Variants in DLC1 observed in about 807,000 individuals in gnomAD.
DLC1 encodes the protein DLC1 Rho GTPase activating protein.
DLC1 carries 54 observed loss-of-function variants against 140.3 expected under a neutral mutation model. The ratio of observed to expected loss-of-function variants is 0.38; its 90% CI spans 0.31 to 0.48. DLC1 has a LOEUF of 0.48. Among genes scored for constraint, DLC1 ranks in the 20% least tolerant of loss-of-function variants. The probability of loss-of-function intolerance (pLI) is 0.96; values close to 1 mark genes in which losing one functional copy is unlikely to be tolerated. For missense variants in DLC1, 2,536 were observed against 1,907.0 expected (o/e 1.33, Z -6.14); for synonymous variants, 986 against 728.1 (o/e 1.35, Z -5.70).
chr8:13,527,028 A>C (rs1449829149), intron 1 of DLC1, among the ~76,000 whole-genome samples: 2 of 152,238 alleles, frequency 1.3e-5, no homozygotes, highest in Non-Finnish European at 2.9e-5. Context: ...TTGCAAAGCT[A>C]ACTAGTTCCA....
intron 5 of DLC1, among the ~76,000 whole-genome samples, chr8:13,303,228 G>T (rs759332890): frequency 3.3e-5 from 5 of 152,192 alleles, no homozygotes; most frequent in Non-Finnish European, 7.3e-5. Flanking sequence ...GCAGAAGTCA[G>T]ATTTTGCTCA....
At chr8:13,601,029 C>A (rs1168206654) in intron 1 of DLC1, among the ~76,000 whole-genome samples, 1 of 151,708 alleles carries the variant, frequency 6.6e-6, no homozygotes, top group African/African-American at 2.4e-5. Flanking sequence ...GTCTCATAAA[C>A]TTTTTAAAAA....
At chr8:13,232,508 A>G (rs745449169) in intron 5 of DLC1, among the ~76,000 whole-genome samples, 2 of 151,996 alleles carry the variant, frequency 1.3e-5, no homozygotes, top group African/African-American at 4.8e-5. Flanking sequence ...TAATTTTTGT[A>G]TTTTTAATAG....
chr8:13,414,115 A>G (rs2117312357), intron 2 of DLC1, among the ~76,000 whole-genome samples: 1 of 152,312 alleles, frequency 6.6e-6, no homozygotes, highest in Non-Finnish European at 1.5e-5. Flanking sequence ...TTTATTCCTT[A>G]ACTGCATAAC....
chr8:13,339,538 C>G (rs1334829664), intron 4 of DLC1: 1 of 152,186 alleles, frequency 6.6e-6, no homozygotes, highest in African/African-American at 2.4e-5. Flanking sequence ...GTTTTAAAAT[C>G]ACATTTGGTC....
chr8:13,302,519 C>G (rs1461790768), intron 5 of DLC1, among the ~76,000 whole-genome samples: 2 of 152,098 alleles, frequency 1.3e-5, no homozygotes, highest in East Asian at 3.9e-4. Context: ...AAGATAGCTA[C>G]TTACAGCACA....
At chr8:13,461,667 C>T (rs567948014) in intron 2 of DLC1, among the ~76,000 whole-genome samples, 1 of 152,078 alleles carries the variant, frequency 6.6e-6, no homozygotes, top group Non-Finnish European at 1.5e-5. Flanking sequence ...TGCTTGGTCC[C>T]AGGCCATGCC....
At chr8:13,118,846 G>A (rs1203455802) in intron 5 of DLC1, among the ~76,000 whole-genome samples, 2 of 152,058 alleles carry the variant, frequency 1.3e-5, no homozygotes, top group East Asian at 3.9e-4. Flanking sequence ...AAGAGAATCT[G>A]TCCATCAATC....
At chr8:13,259,447 A>G (rs565059630) in intron 5 of DLC1, among the ~76,000 whole-genome samples, 1 of 152,240 alleles carries the variant, frequency 6.6e-6, no homozygotes, top group East Asian at 1.9e-4. Context: ...GGAAGAGTCA[A>G]TGCAAATGAT....
At chr8:13,290,596 TTAATAA>T (rs1008986354) in intron 5 of DLC1, among the ~76,000 whole-genome samples, 2 of 152,074 alleles carry the variant, frequency 1.3e-5, no homozygotes, top group Non-Finnish European at 2.9e-5. Flanking sequence ...GAAAAATGTC[TTAATAA>T]TAATAATAAA....
intron 4 of DLC1, among the ~76,000 whole-genome samples, chr8:13,389,460 C>G (rs1486578068): frequency 6.6e-6 from 1 of 152,010 alleles, no homozygotes; most frequent in Non-Finnish European, 1.5e-5. Flanking sequence ...GTCAAAAGAA[C>G]AAAACAATTT....
chr8:13,563,625 T>C (rs73665145), intron 1 of DLC1, among the ~76,000 whole-genome samples: 87 of 152,226 alleles, frequency 5.7e-4, no homozygotes, highest in African/African-American at 2.0e-3. Context: ...TTTTGAAGGA[T>C]CTGTCAATTT....
rs931457229 is a variant in DLC1 at position 13,548,594 on chromosome 8, G to C, written c.-125-48398C>G. Among the ~76,000 whole-genome samples the C allele has an allele frequency of 2.0e-5, 3 of 152,046 alleles. No individual in the cohort carries two copies. In the East Asian group the frequency reaches 5.8e-4, roughly 29 times the overall value. The stretch of plus-strand genomic sequence containing the variant: ...TTAATTGCCACTACGTTGTTAAGAG[G>C]TGGGACCTTTAATAGACTTTAGGAG... On this transcript the variant is annotated intron_variant, in intron 1 of 1. Coordinates refer to the DLC1 transcript ENST00000631382.
At chr8:13,569,373 C>A (rs915895139) in intron 1 of DLC1, among the ~76,000 whole-genome samples, 1 of 151,946 alleles carries the variant, frequency 6.6e-6, no homozygotes, top group African/African-American at 2.4e-5. Flanking sequence ...TTTTTTTCCC[C>A]CATAAAATTT....
chr8:13,531,432 A>G lies in DLC1; in HGVS notation c.-125-31236T>C, dbSNP rs1310459079. On this transcript the variant is annotated intron_variant, in intron 1 of 1. Transcript: ENST00000631382. Reference sequence around the variant, plus strand: ...GAAACCCCATCTCTACTAAAAACACAAAAATTAGCTGAGCATGGTGATGGG... The same window carrying G: ...GAAACCCCATCTCTACTAAAAACACGAAAATTAGCTGAGCATGGTGATGGG... Among the ~76,000 whole-genome samples, 2 of 152,128 alleles carry G rather than the reference A, an allele frequency of 1.3e-5. 1 individual carries two copies. The highest frequency in any genetic ancestry group is 2.9e-5 in the Non-Finnish European group (2 of 68,038).
intron 5 of DLC1, among the ~76,000 whole-genome samples, chr8:13,126,957 A>G (rs934440918): frequency 3.9e-5 from 6 of 152,256 alleles, no homozygotes; most frequent in Admixed American, 2.0e-4. Flanking sequence ...AATGAATGAA[A>G]TATCAAGTTC....
intron 2 of DLC1, among the ~76,000 whole-genome samples, chr8:13,424,993 C>G (rs1838491318): frequency 6.6e-6 from 1 of 151,912 alleles, no homozygotes; most frequent in Non-Finnish European, 1.5e-5. Context: ...TAAATATTGA[C>G]AGGAAGTAAG....
intron 1 of DLC1, among the ~76,000 whole-genome samples, chr8:13,597,222 A>G (rs1490226130): frequency 5.3e-5 from 8 of 152,084 alleles, no homozygotes; most frequent in Admixed American, 5.3e-4. Context: ...TGTAAAATAA[A>G]TGAAAGATGG....
chr8:13,167,121 A>T (rs1315865267), intron 5 of DLC1, among the ~76,000 whole-genome samples: 3 of 152,176 alleles, frequency 2.0e-5, no homozygotes, highest in African/African-American at 7.2e-5. Context: ...AATGACCAAA[A>T]TACCTTTTCT....
Sources: allele counts gnomAD v4.1 joint callset (sites outside exome capture counted in the v4.1 genomes callset), GRCh38; gene constraint gnomAD v4.1.1; transcripts MANE v1.5; gene names NCBI Gene and HGNC (gene_info 2026-07-23, HGNC 2026-07-21).